EYS: variants seen among roughly 807,000 people sequenced by gnomAD.
EYS encodes EGF-like photoreceptor maintenance factor.
Under a neutral mutation model 282.1 loss-of-function variants are expected in EYS, and 250 were observed. That is an observed-to-expected ratio of 0.89 (90% confidence interval 0.80 to 0.98). EYS has a LOEUF of 0.98. Among genes scored for constraint, EYS ranks in the 50% least tolerant of loss-of-function variants. The pLI, the probability that EYS is intolerant of heterozygous loss-of-function variation, is 0.00. For synonymous variants in EYS, 1,355 were observed against 1,282.9 expected (o/e 1.06, Z -1.20); for missense variants, 4,016 against 3,709.0 (o/e 1.08, Z -2.15).
intron 26 of EYS, among the ~76,000 whole-genome samples, chr6:64,581,519 T>G (rs1326932077): frequency 6.6e-6 from 1 of 152,162 alleles, no homozygotes; most frequent in Non-Finnish European, 1.5e-5. Flanking sequence ...TAAGAAAAAT[T>G]TTCAAATATT....
At chr6:65,623,435 G>T (rs139684738) in intron 2 of EYS, among the ~76,000 whole-genome samples, 7 of 152,272 alleles carry the variant, frequency 4.6e-5, no homozygotes, top group African/African-American at 1.7e-4. Context: ...GGTGGCTTCA[G>T]CTCAAAATAA....
intron 29 of EYS, among the ~76,000 whole-genome samples, chr6:64,366,120 T>C (rs571442953): frequency 2.6e-5 from 4 of 152,180 alleles, no homozygotes; most frequent in Non-Finnish European, 4.4e-5. Flanking sequence ...TTTTTCAGGT[T>C]GAATTTGCTC....
At chr6:64,271,044 C>G (rs563030410) in intron 30 of EYS, among the ~76,000 whole-genome samples, 1 of 152,190 alleles carries the variant, frequency 6.6e-6, no homozygotes, top group Non-Finnish European at 1.5e-5. Context: ...TGTTAACATA[C>G]TACTTTTCTT....
chr6:64,166,479 G>A (rs779504583), intron 31 of EYS, among the ~76,000 whole-genome samples: 1 of 152,102 alleles, frequency 6.6e-6, no homozygotes, highest in African/African-American at 2.4e-5. Context: ...AATCAATAGG[G>A]TATTTTATAG....
At chr6:65,410,981 T>A (rs1190462991) in intron 5 of EYS, among the ~76,000 whole-genome samples, 3 of 152,016 alleles carry the variant, frequency 2.0e-5, no homozygotes, top group Non-Finnish European at 2.9e-5. Context: ...AAACTAATTT[T>A]TCTAGATGTT....
chr6:64,272,389 T>C (rs1319428517), intron 30 of EYS, among the ~76,000 whole-genome samples: 1 of 152,198 alleles, frequency 6.6e-6, no homozygotes, highest in Non-Finnish European at 1.5e-5. Flanking sequence ...TACAATTTGG[T>C]ATGTTTTTGC....
At chr6:64,943,956 G>A (rs1049916335) in intron 15 of EYS, among the ~76,000 whole-genome samples, 6 of 152,094 alleles carry the variant, frequency 3.9e-5, no homozygotes, top group South Asian at 2.1e-4. Context: ...CAAACTATAC[G>A]TAAGTCTACA....
At chr6:64,138,934 T>A (rs1774251370) in intron 31 of EYS, among the ~76,000 whole-genome samples, 1 of 152,210 alleles carries the variant, frequency 6.6e-6, no homozygotes, top group Non-Finnish European at 1.5e-5. Context: ...ATTTATATCC[T>A]ACTTCTCAAA....
At chr6:64,952,015 A>G in intron 14 of EYS, among the ~76,000 whole-genome samples, 1 of 151,936 alleles carries the variant, frequency 6.6e-6, no homozygotes. Flanking sequence ...AACTTTATCT[A>G]GATTAAAACT....
chr6:63,826,081 CTT>C (rs1278561669), intron 36 of EYS, among the ~76,000 whole-genome samples: 1 of 152,132 alleles, frequency 6.6e-6, no homozygotes, highest in Admixed American at 6.5e-5. Context: ...ACTTTGGACA[CTT>C]TTAGAAATGT....
chr6:64,465,144 CAT>C (rs1450225592), intron 26 of EYS, among the ~76,000 whole-genome samples: 3 of 151,976 alleles, frequency 2.0e-5, no homozygotes, highest in African/African-American at 7.2e-5. Context: ...ATCCTTTGTT[CAT>C]ATGTTTGAAG....
intron 12 of EYS, among the ~76,000 whole-genome samples, chr6:65,222,452 G>A (rs751572986): frequency 9.2e-5 from 14 of 152,086 alleles, no homozygotes; most frequent in South Asian, 2.1e-4. Flanking sequence ...ACATCCCTTC[G>A]CTTTTCCTTC....
intron 2 of EYS, among the ~76,000 whole-genome samples, chr6:65,594,973 T>C (rs1765356885): frequency 1.3e-5 from 2 of 152,084 alleles, no homozygotes; most frequent in Admixed American, 1.3e-4. Context: ...CAGGTGGTTG[T>C]AGATGTGTGG....
At chr6:65,674,327 C>A (rs1768499330) in intron 1 of EYS, among the ~76,000 whole-genome samples, 1 of 151,524 alleles carries the variant, frequency 6.6e-6, no homozygotes, top group Admixed American at 6.6e-5. Flanking sequence ...CAATAAGACA[C>A]AATGTAATCA....
At position 64,985,012 on chromosome 6, in the gene EYS, A is replaced by G. The variant is rs549158297; in HGVS notation, c.2259+12570T>C. ...AATACCTATTGGAGCCTCCCTTGAC[A>G]TATATTAATTTTCTGGTACAATCTT... is the stretch of plus-strand genomic sequence containing the variant. On this transcript the variant is annotated intron_variant, in intron 14 of 42. Coordinates refer to ENST00000503581, the MANE Select transcript of EYS (RefSeq NM_001142800.2). Among the ~76,000 whole-genome samples, 88 of 151,612 alleles carry G rather than the reference A, an allele frequency of 5.8e-4. 1 individual carries two copies. Among genetic ancestry groups the G allele is most frequent in the African/African-American group, 2.1e-3 (88 of 41,472 alleles).
At chr6:64,386,038 C>T (rs1168159398) in intron 29 of EYS, among the ~76,000 whole-genome samples, 1 of 152,100 alleles carries the variant, frequency 6.6e-6, no homozygotes, top group Admixed American at 6.6e-5. Context: ...ATTATGGCTT[C>T]CACCATCTCC....
At chr6:64,831,097 T>TC (rs1406100993) in intron 19 of EYS, among the ~76,000 whole-genome samples, 2 of 151,920 alleles carry the variant, frequency 1.3e-5, no homozygotes, top group Admixed American at 1.3e-4. Flanking sequence ...TACTTCTCTT[T>TC]CCCCTCGCAG....
intron 12 of EYS, among the ~76,000 whole-genome samples, chr6:65,118,800 G>A (rs1360849778): frequency 6.6e-6 from 1 of 151,818 alleles, no homozygotes; most frequent in Non-Finnish European, 1.5e-5. Flanking sequence ...TCACTAGAAG[G>A]CAGAAATTGT....
chr6:64,317,893 C>A (rs999102886), intron 29 of EYS, among the ~76,000 whole-genome samples: 4 of 151,972 alleles, frequency 2.6e-5, no homozygotes, highest in African/African-American at 9.7e-5. Context: ...ATGGATGAAG[C>A]TGGAAACTAT....
Sources: allele counts gnomAD v4.1 joint callset (sites outside exome capture counted in the v4.1 genomes callset), GRCh38; gene constraint gnomAD v4.1.1; transcripts MANE v1.5; gene names NCBI Gene and HGNC (gene_info 2026-07-23, HGNC 2026-07-21).